Variants in LRRTM4 observed in about 807,000 individuals in gnomAD.
LRRTM4 encodes the protein leucine-rich repeat transmembrane neuronal protein 4.
LRRTM4 carries 25 observed loss-of-function variants against 47.6 expected under a neutral mutation model. The observed-to-expected ratio is 0.53, with a 90% CI of 0.38 to 0.73. The LOEUF (loss-of-function observed/expected upper bound fraction) is 0.73, where lower values mean the gene tolerates loss of function less well. Among genes scored for constraint, LRRTM4 ranks in the 30% least tolerant of loss-of-function variants. The probability of loss-of-function intolerance (pLI) is 0.00; values close to 1 mark genes in which losing one functional copy is unlikely to be tolerated. For synonymous variants in LRRTM4, 311 were observed against 269.5 expected (o/e 1.15, Z -1.51); for missense variants, 638 against 713.4 (o/e 0.89, Z 1.20).
intron 3 of LRRTM4, among the ~76,000 whole-genome samples, chr2:77,197,355 C>T (rs907054763): frequency 6.6e-6 from 1 of 151,666 alleles, no homozygotes; most frequent in African/African-American, 2.4e-5. Context: ...GAAAATTAGC[C>T]TTATAATCTA....
chr2:76,916,153 A>G (rs890377220), intron 3 of LRRTM4, among the ~76,000 whole-genome samples: 2 of 152,110 alleles, frequency 1.3e-5, no homozygotes, highest in African/African-American at 2.4e-5. Flanking sequence ...AGAAAAAACT[A>G]AGAGAGAGAT....
intron 3 of LRRTM4, among the ~76,000 whole-genome samples, chr2:77,392,667 A>T (rs1004523774): frequency 8.5e-5 from 13 of 152,124 alleles, no homozygotes; most frequent in Non-Finnish European, 1.9e-4. Flanking sequence ...GAATGTAATA[A>T]GTTTGAGCTC....
intron 3 of LRRTM4, among the ~76,000 whole-genome samples, chr2:77,090,525 A>C (rs570234756): frequency 3.2e-4 from 49 of 152,266 alleles, no homozygotes; most frequent in African/African-American, 1.0e-3. Context: ...AATAGAAAAA[A>C]GTTACAATTC....
chr2:77,388,551 T>C (rs766937896), intron 3 of LRRTM4, among the ~76,000 whole-genome samples: 13 of 152,304 alleles, frequency 8.5e-5, no homozygotes, highest in East Asian at 7.7e-4. Context: ...TTGAAATTTA[T>C]AATTTTTTTT....
rs116309678 is a variant in LRRTM4, at chr2:77,320,703, A to G, written c.1551+197615T>C. ...GATCAGAAATCTTATATTCATGGTTATTATACCTATATGAGTTATTTAAAA... is the reference window on the plus strand; with the variant it reads ...GATCAGAAATCTTATATTCATGGTTGTTATACCTATATGAGTTATTTAAAA... On this transcript the variant is annotated intron_variant, in intron 3 of 3. Transcript: ENST00000409884. Among the ~76,000 whole-genome samples the G allele has an allele frequency of 5.7e-3, 874 of 152,224 alleles. 13 individuals are homozygous for G. The highest frequency in any genetic ancestry group is 0.02 in the African/African-American group (830 of 41,562).
At chr2:77,515,977 T>G (rs1027428998) in intron 3 of LRRTM4, among the ~76,000 whole-genome samples, 6 of 151,900 alleles carry the variant, frequency 3.9e-5, no homozygotes, top group Admixed American at 3.9e-4. Context: ...TGTTTGTTTT[T>G]GTATGCTTTC....
intron 3 of LRRTM4, among the ~76,000 whole-genome samples, chr2:77,420,996 C>T (rs1674857077): frequency 6.6e-6 from 1 of 150,544 alleles, no homozygotes; most frequent in Non-Finnish European, 1.5e-5. Context: ...TAGTGGGCCA[C>T]AGGCCTGGGC....
intron 3 of LRRTM4, among the ~76,000 whole-genome samples, chr2:77,059,915 T>A (rs1328685687): frequency 1.3e-5 from 2 of 152,188 alleles, no homozygotes; most frequent in Non-Finnish European, 2.9e-5. Context: ...GCTTGTCAAA[T>A]CAGGAATCTT....
At chr2:76,849,619 AC>A (rs544249177) in intron 3 of LRRTM4, among the ~76,000 whole-genome samples, 151 of 152,244 alleles carry the variant, frequency 9.9e-4, no homozygotes, top group African/African-American at 3.4e-3. Context: ...TAATAAAAAA[AC>A]AACTCTGCTC....
intron 3 of LRRTM4, among the ~76,000 whole-genome samples, chr2:76,904,075 T>A (rs1212798135): frequency 6.6e-6 from 1 of 152,238 alleles, no homozygotes; most frequent in Non-Finnish European, 1.5e-5. Flanking sequence ...ACAGCTCTGA[T>A]TCCCACCTAC....
intron 3 of LRRTM4, among the ~76,000 whole-genome samples, chr2:77,347,870 ATTTC>A (rs750892611): frequency 3.8e-4 from 58 of 152,108 alleles, no homozygotes; most frequent in Non-Finnish European, 7.7e-4. Flanking sequence ...TACATCATCT[ATTTC>A]TTTATATATC....
At position 77,043,186 on chromosome 2, in the gene LRRTM4, T is replaced by G. The variant is rs12616564; in HGVS notation, c.1552-294270A>C. On this transcript the variant is annotated intron_variant, in intron 3 of 3. Transcript: ENST00000409884. ...TTATTGCTGTATAAGTGGATGTGGT[T>G]CTGTGGGGAAAACAGGCTACTTTAT... is the stretch of plus-strand genomic sequence containing the variant. Among the ~76,000 whole-genome samples, 186 of 151,870 alleles carry G rather than the reference T, an allele frequency of 1.2e-3. 2 individuals are homozygous for G. The East Asian group carries it at 0.018, about 14-fold the overall frequency.
chr2:76,994,493 C>T (rs920923559), intron 3 of LRRTM4, among the ~76,000 whole-genome samples: 2 of 151,628 alleles, frequency 1.3e-5, no homozygotes, highest in African/African-American at 2.4e-5. Flanking sequence ...ACTGTTGATG[C>T]CATGAGCAAT....
chr2:77,263,701 A>G (rs1675977460), intron 3 of LRRTM4, among the ~76,000 whole-genome samples: 1 of 152,144 alleles, frequency 6.6e-6, no homozygotes. Context: ...CATTAAAATA[A>G]TGTCACTGAT....
At chr2:77,004,320 A>G (rs1049849587) in intron 3 of LRRTM4, among the ~76,000 whole-genome samples, 1 of 152,174 alleles carries the variant, frequency 6.6e-6, no homozygotes, top group Non-Finnish European at 1.5e-5. Flanking sequence ...CAGCCTACGT[A>G]CTTGGTCCCC....
At chr2:77,187,868 A>T (rs1673554429) in intron 3 of LRRTM4, among the ~76,000 whole-genome samples, 2 of 152,080 alleles carry the variant, frequency 1.3e-5, no homozygotes, top group African/African-American at 4.8e-5. Flanking sequence ...ATTTTTTCTT[A>T]TGAAAAAATA....
At chr2:76,774,678 G>A (rs1673881965) in intron 3 of LRRTM4, among the ~76,000 whole-genome samples, 1 of 152,080 alleles carries the variant, frequency 6.6e-6, no homozygotes, top group African/African-American at 2.4e-5. Flanking sequence ...AGGTAGAGGA[G>A]GTGGAAGGAG....
intron 3 of LRRTM4, among the ~76,000 whole-genome samples, chr2:77,257,651 G>A (rs570777235): frequency 4.6e-5 from 7 of 151,772 alleles, no homozygotes; most frequent in African/African-American, 1.7e-4. Flanking sequence ...GTTATAGACC[G>A]AGAGAAAATA....
chr2:76,895,746 T>C (rs114452024), intron 3 of LRRTM4, among the ~76,000 whole-genome samples: 1,586 of 151,910 alleles, frequency 0.01, 32 homozygotes, highest in African/African-American at 0.037. Context: ...AAAAATACAT[T>C]GGTGGTGATG....
Sources: gnomAD v4.1 joint callset for allele counts (sites outside exome capture counted in the v4.1 genomes callset) on GRCh38, gnomAD v4.1.1 for gene constraint, MANE v1.5 for transcripts, NCBI Gene and HGNC (gene_info 2026-07-23, HGNC 2026-07-21) for gene names.